The following POLR2B variants were observed in gnomAD, a reference collection of about 807,000 sequenced individuals.
POLR2B encodes RNA polymerase II subunit B.
In POLR2B, 57 loss-of-function variants were observed where a neutral mutation model predicts 144.6. The observed-to-expected ratio is 0.39, with a 90% CI of 0.32 to 0.49. The LOEUF is 0.49. Ranked by LOEUF, POLR2B falls within the 20% of genes least tolerant of loss-of-function variation. The pLI, the probability that POLR2B is intolerant of heterozygous loss-of-function variation, is 0.83. For missense variants in POLR2B, 595 were observed against 1,467.4 expected, an observed-to-expected ratio of 0.41 and a Z score of 9.71; for synonymous variants, 442 against 469.8, an observed-to-expected ratio of 0.94 and a Z score of 0.77.
intron 13 of POLR2B, among the ~76,000 whole-genome samples, chr4:57,013,385 GTC>G (rs1245536483): frequency 7.1e-6 from 1 of 141,724 alleles, no homozygotes; most frequent in African/African-American, 2.6e-5. Context: ...GTCTCTCTCT[GTC>G]TCTCTATCTC....
intron 16 of POLR2B, among the ~76,000 whole-genome samples, chr4:57,020,524 TATTA>T (rs746365955): frequency 6.6e-6 from 1 of 152,148 alleles, no homozygotes; most frequent in East Asian, 1.9e-4. Context: ...ATGGGTAGAT[TATTA>T]ATTCACTCCT....
In POLR2B at chr4:57,030,201, C is replaced by T; in HGVS notation, c.3240-3C>T. ...CAAAGTAATAATTTTTTTCTCTTAA[C>T]AGTGATGGTGGCCTGCGTTTTGGAG... On this transcript the variant is annotated splice_region_variant and splice_polypyrimidine_tract_variant and intron_variant, in intron 23 of 24. Coordinates refer to ENST00000314595, the MANE Select transcript of POLR2B (RefSeq NM_000938.3). 1 of 1,611,368 alleles carries T rather than the reference C, an allele frequency of 6.2e-7. No individual in the cohort carries two copies. Among genetic ancestry groups the T allele is most frequent in the African/African-American group, 1.3e-5 (1 of 74,884 alleles).
intron 18 of POLR2B, 111 bp downstream of exon 18, chr4:57,022,357 C>CT (rs1265532385): frequency 1.5e-6 from 1 of 645,868 alleles, no homozygotes. Flanking sequence ...CCTCCTCTCC[C>CT]TTTTTTTGTG....
At chr4:56,992,685 G>C (rs2109658310) in intron 3 of POLR2B, among the ~76,000 whole-genome samples, 1 of 148,862 alleles carries the variant, frequency 6.7e-6, no homozygotes, top group Non-Finnish European at 1.5e-5. Context: ...TCAGCTTTTT[G>C]AGTTGCTGGG....
intron 7 of POLR2B, among the ~76,000 whole-genome samples, chr4:57,003,529 T>A (rs1015175145): frequency 6.6e-5 from 10 of 152,136 alleles, no homozygotes; most frequent in Non-Finnish European, 7.3e-5. Flanking sequence ...GAGACTGGCC[T>A]GGGCAACATA....
intron 3 of POLR2B, among the ~76,000 whole-genome samples, chr4:56,993,816 G>C (rs1722595130): frequency 6.6e-6 from 1 of 152,238 alleles, no homozygotes; most frequent in East Asian, 1.9e-4. Flanking sequence ...TTTAACTGAA[G>C]AGAGGTTTAT....
At chr4:57,030,435 T>G in intron 24 of POLR2B, 36 bp downstream of exon 24, 2 of 1,483,958 alleles carry the variant, frequency 1.3e-6, no homozygotes, top group South Asian at 2.4e-5. Context: ...GATATTTGTT[T>G]AGAGGAAACT....
intron 13 of POLR2B, among the ~76,000 whole-genome samples, chr4:57,014,993 A>G (rs1217516137): frequency 6.6e-6 from 1 of 152,192 alleles, no homozygotes; most frequent in Non-Finnish European, 1.5e-5. Flanking sequence ...GTGCTCAGTC[A>G]CATGTGGCTA....
At chr4:56,991,673 C>G (rs1271283204) in intron 3 of POLR2B, among the ~76,000 whole-genome samples, 1 of 152,216 alleles carries the variant, frequency 6.6e-6, no homozygotes, top group Non-Finnish European at 1.5e-5. Context: ...TTTAGTTGGA[C>G]ATGCTGTACA....
intron 11 of POLR2B, 51 bp downstream of exon 11, chr4:57,010,555 T>C: frequency 6.6e-7 from 1 of 1,523,314 alleles, no homozygotes; most frequent in Admixed American, 2.0e-5. Flanking sequence ...GGTAATTATG[T>C]AGGGCATAAT....
chr4:56,981,632 C>T (rs1407532453), intron 1 of POLR2B, among the ~76,000 whole-genome samples: 8 of 152,206 alleles, frequency 5.3e-5, no homozygotes, highest in Admixed American at 4.6e-4. Flanking sequence ...TAGATAACGT[C>T]CTCATCAGTT....
chr4:57,009,804 T>C (rs1414461031), intron 10 of POLR2B: 2 of 152,178 alleles, frequency 1.3e-5, no homozygotes, highest in African/African-American at 4.8e-5. Context: ...TATAAATAAT[T>C]AATAATATAG....
At chr4:56,992,638 C>G (rs1722555878) in intron 3 of POLR2B, among the ~76,000 whole-genome samples, 1 of 148,056 alleles carries the variant, frequency 6.8e-6, no homozygotes, top group South Asian at 2.2e-4. Flanking sequence ...CGGCTCACTG[C>G]AGGCTCCGCC....
chr4:57,024,142 C>A, intron 21 of POLR2B, 30 bp downstream of exon 21: 1 of 1,138,030 alleles, frequency 8.8e-7, no homozygotes, highest in Non-Finnish European at 1.3e-6. Context: ...AATATAGATT[C>A]TAAGCTGATG....
chr4:57,000,927 C>A (rs1722832527), intron 7 of POLR2B, among the ~76,000 whole-genome samples: 1 of 151,930 alleles, frequency 6.6e-6, no homozygotes, highest in Non-Finnish European at 1.5e-5. Flanking sequence ...AACCCCTGAC[C>A]TCAGGTGATC....
intron 7 of POLR2B, among the ~76,000 whole-genome samples, chr4:57,001,227 T>C (rs1722843391): frequency 6.6e-6 from 1 of 152,116 alleles, no homozygotes; most frequent in Non-Finnish European, 1.5e-5. Context: ...TGGAGTGCAG[T>C]GGCACAATCT....
chr4:57,015,799 C>T (rs983158527), intron 14 of POLR2B, 143 bp downstream of exon 14: 4 of 222,478 alleles, frequency 1.8e-5, no homozygotes, highest in African/African-American at 7.0e-5. Flanking sequence ...TCAGCTGTGT[C>T]GCCCATGCTG....
At chr4:57,030,085 A>G in intron 23 of POLR2B, 119 bp from the exon 24 acceptor site, 1 of 790,058 alleles carries the variant, frequency 1.3e-6, no homozygotes, top group Non-Finnish European at 2.1e-6. Context: ...ATGCTAGGGT[A>G]TAAAAATTAG....
chr4:57,005,850 T>C, intron 9 of POLR2B, 131 bp downstream of exon 9: 1 of 759,816 alleles, frequency 1.3e-6, no homozygotes, highest in Non-Finnish European at 2.0e-6. Flanking sequence ...ACATTCTTAT[T>C]GCTATTTGCT....
Sources: gnomAD v4.1 joint callset for allele counts (sites outside exome capture counted in the v4.1 genomes callset) on GRCh38, gnomAD v4.1.1 for gene constraint, MANE v1.5 for transcripts, NCBI Gene and HGNC (gene_info 2026-07-23, HGNC 2026-07-21) for gene names.